SVOP: variants seen among roughly 807,000 people sequenced by gnomAD.
SVOP encodes the protein SV2 related protein.
SVOP carries 17 observed loss-of-function variants against 69.1 expected under a neutral mutation model. The observed-to-expected ratio is 0.25, with a 90% CI of 0.17 to 0.37. The LOEUF (loss-of-function observed/expected upper bound fraction) is 0.37. Ranked by LOEUF, SVOP falls within the 10% of genes least tolerant of loss-of-function variation. The probability of loss-of-function intolerance (pLI) is 1.00; values close to 1 mark genes in which losing one functional copy is unlikely to be tolerated. For synonymous variants in SVOP, 238 were observed against 238.6 expected (o/e 1.00, Z 0.02); for missense variants, 435 against 597.5 (o/e 0.73, Z 2.84).
intron 6 of SVOP, among the ~76,000 whole-genome samples, chr12:108,959,441 C>G (rs2040004588): frequency 6.6e-6 from 1 of 151,300 alleles, no homozygotes; most frequent in Non-Finnish European, 1.5e-5. Context: ...GCAACCTCTG[C>G]CTCCCAGGTT....
At chr12:109,014,642 A>G (rs1354871584) in intron 1 of SVOP, among the ~76,000 whole-genome samples, 4 of 152,100 alleles carry the variant, frequency 2.6e-5, no homozygotes, top group Non-Finnish European at 5.9e-5. Context: ...TGGCTACACT[A>G]TTTTATATTT....
At chr12:108,974,457 T>C (rs1390423851) in intron 4 of SVOP, among the ~76,000 whole-genome samples, 1 of 152,240 alleles carries the variant, frequency 6.6e-6, no homozygotes, top group Non-Finnish European at 1.5e-5. Context: ...TAATTTAGAA[T>C]GTATGTATTC....
intron 3 of SVOP, chr12:108,978,288 A>G (rs532248125): frequency 2.9e-6 from 1 of 342,760 alleles, no homozygotes; most frequent in Admixed American, 4.6e-5. Context: ...GGAGAGCTCT[A>G]CAGCTGACAT....
At chr12:108,922,885 T>TATTCCCAGG in intron 11 of SVOP, 88 bp from the exon 12 acceptor site, 1 of 914,116 alleles carries the variant, frequency 1.1e-6, no homozygotes, top group Non-Finnish European at 1.7e-6. Context: ...TTCCCTGGGG[T>TATTCCCAGG]GATTCAGTTT....
At chr12:108,977,540 G>C (rs749383137) in intron 3 of SVOP, 44 bp from the exon 4 acceptor site, 1 of 1,399,066 alleles carries the variant, frequency 7.1e-7, no homozygotes, top group African/African-American at 1.4e-5. Context: ...ATGCTGCTTG[G>C]TGCTGGGGAA....
chr12:108,927,669 G>A (rs1018043229), intron 11 of SVOP, among the ~76,000 whole-genome samples: 7 of 143,910 alleles, frequency 4.9e-5, no homozygotes, highest in Non-Finnish European at 1.0e-4. Context: ...CACAATCTTC[G>A]CTCACTGCAA....
intron 1 of SVOP, among the ~76,000 whole-genome samples, chr12:109,014,441 C>A (rs532186852): frequency 1.6e-4 from 25 of 152,226 alleles, no homozygotes; most frequent in African/African-American, 6.0e-4. Flanking sequence ...TTCATCCATT[C>A]GTCAGTCCAT....
At chr12:108,985,166 G>T in intron 1 of SVOP, among the ~76,000 whole-genome samples, 1 of 151,908 alleles carries the variant, frequency 6.6e-6, no homozygotes, top group African/African-American at 2.4e-5. Context: ...GGGTGAGGCT[G>T]CAGTGAGCCG....
In SVOP at chr12:108,912,748, G is replaced by A. The variant is rs376225861; in HGVS notation, c.1441-7C>T. 3.6e-5 allele frequency: 58 copies of A among 1,612,864 alleles called. No homozygotes were observed. In the African/African-American group the frequency reaches 6.3e-4, roughly 17 times the overall value. Reference sequence around the variant, plus strand: ...CAGAGGATTCCAGCATCACCTAGGGGAAGGAGACACGGGTCGGTGAAAGCA... The same window carrying A: ...CAGAGGATTCCAGCATCACCTAGGGAAAGGAGACACGGGTCGGTGAAAGCA... On this transcript the variant is annotated splice_region_variant and splice_polypyrimidine_tract_variant and intron_variant, in intron 15 of 15. Coordinates refer to ENST00000610966, the MANE Select transcript of SVOP (RefSeq NM_018711.5).
chr12:108,993,083 C>T (rs1356547925), intron 1 of SVOP, among the ~76,000 whole-genome samples: 1 of 152,074 alleles, frequency 6.6e-6, no homozygotes, highest in African/African-American at 2.4e-5. Flanking sequence ...CCCAGGCTCA[C>T]TGCAACCTCT....
chr12:108,965,068 G>T (rs2040037376), intron 5 of SVOP, among the ~76,000 whole-genome samples: 2 of 152,160 alleles, frequency 1.3e-5, no homozygotes, highest in Admixed American at 1.3e-4. Flanking sequence ...CATAAAATAT[G>T]CATATATTGA....
intron 5 of SVOP, among the ~76,000 whole-genome samples, chr12:108,969,344 C>G (rs1457868737): frequency 6.9e-6 from 1 of 144,346 alleles, no homozygotes. Context: ...TCCTACCTCG[C>G]TCTCTTTCTC....
At chr12:108,942,519 G>A (rs1436494662) in intron 7 of SVOP, among the ~76,000 whole-genome samples, 1 of 152,194 alleles carries the variant, frequency 6.6e-6, no homozygotes, top group Non-Finnish European at 1.5e-5. Context: ...TGCAGCCAAT[G>A]TGGAGCCCTG....
intron 11 of SVOP, among the ~76,000 whole-genome samples, chr12:108,931,862 G>A (rs1381862640): frequency 1.3e-5 from 2 of 151,888 alleles, no homozygotes; most frequent in African/African-American, 4.8e-5. Context: ...CTTCCCGGGT[G>A]AGTCTGTTAT....
At chr12:108,977,335 C>T (rs1379132027) in intron 4 of SVOP, 63 bp downstream of exon 4, 5 of 1,508,658 alleles carry the variant, frequency 3.3e-6, no homozygotes, top group East Asian at 2.5e-5. Context: ...AGGGAGATAT[C>T]CCACAGGACA....
chr12:108,934,707 T>C (rs1408723471), intron 10 of SVOP, among the ~76,000 whole-genome samples: 3 of 152,180 alleles, frequency 2.0e-5, no homozygotes, highest in Non-Finnish European at 4.4e-5. Flanking sequence ...AAAACCAAGA[T>C]GGCGATGAGA....
intron 1 of SVOP, among the ~76,000 whole-genome samples, chr12:109,009,897 T>C (rs2040331263): frequency 6.6e-6 from 1 of 152,098 alleles, no homozygotes. Context: ...AAGTATTGTC[T>C]GGTCTAAAAT....
intron 1 of SVOP, among the ~76,000 whole-genome samples, chr12:109,007,345 C>T (rs1222885324): frequency 6.6e-6 from 1 of 152,190 alleles, no homozygotes. Context: ...AGACCTGGGG[C>T]ACTCCCTGAG....
At chr12:108,919,863 A>T in intron 12 of SVOP, 77 bp from the exon 13 acceptor site, 1 of 972,362 alleles carries the variant, frequency 1.0e-6, no homozygotes, top group South Asian at 1.4e-5. Flanking sequence ...CACAGCCTGT[A>T]TCATCCCCTC....
Sources: gnomAD v4.1 joint callset for allele counts (sites outside exome capture counted in the v4.1 genomes callset) on GRCh38, gnomAD v4.1.1 for gene constraint, MANE v1.5 for transcripts, NCBI Gene and HGNC (gene_info 2026-07-23, HGNC 2026-07-21) for gene names.